The following NR4A1 variants were observed in gnomAD, a reference collection of about 807,000 sequenced individuals.
The protein encoded by NR4A1 is nuclear receptor subfamily 4immunitygroup A member 1.
NR4A1 carries 24 observed loss-of-function variants against 47.5 expected under a neutral mutation model. The observed-to-expected ratio is 0.50, with a 90% CI of 0.37 to 0.71. The LOEUF is 0.71. NR4A1 is among the 30% of genes least tolerant of loss of function. NR4A1 has a pLI of 0.00. For synonymous variants in NR4A1, 353 were observed against 345.7 expected (o/e 1.02, Z -0.24); for missense variants, 669 against 788.6 (o/e 0.85, Z 1.82).
Position 52,054,615 on chromosome 12 carries a change from C to G in NR4A1, c.287C>G (p.Pro96Arg), listed in dbSNP as rs547543856. The part of the protein sequence containing the change: ...SSTSSSSATS[P>R]ASASFKFEDF... ...ACATCCTCGTCCTCAGCCACCTCCC[C>G]TGCCTCTGCCTCCTTCAAGTTCGAG... Residue 96 changes from proline (P) to arginine (R), a missense_variant, in exon 2 of 7, where the codon CCT becomes CGT. Physicochemically the swap from Pro to Arg is moderately radical, Grantham distance 103. Coordinates refer to ENST00000394825, the MANE Select transcript of NR4A1 (RefSeq NM_173157.3). 2.5e-6 allele frequency: 4 copies of G among 1,614,196 alleles called. No individual in the cohort carries two copies. Among genetic ancestry groups the G allele is most frequent in the Admixed American group, 3.3e-5 (2 of 60,034 alleles).
At chr12:52,024,736 A>G (rs529993311) in intron 1 of NR4A1, among the ~76,000 whole-genome samples, 71 of 152,330 alleles carry the variant, frequency 4.7e-4, no homozygotes, top group African/African-American at 1.7e-3. Flanking sequence ...AAAAGAAAAC[A>G]AAAAACCAAA....
In NR4A1 at chr12:52,058,684, G is replaced by A. The variant is rs763064696; in HGVS notation, c.1541-4G>A. On this transcript the variant is annotated splice_polypyrimidine_tract_variant and splice_region_variant and intron_variant, in intron 6 of 6. Coordinates refer to ENST00000394825, the MANE Select transcript of NR4A1 (RefSeq NM_173157.3). ...GTACAGCTAATCCTGTACCCTTCCC[G>A]CAGACCGGCATGGGCTGCAGGAGCC... 1.3e-5 allele frequency: 21 copies of A among 1,595,218 alleles called. No homozygotes were observed. The highest frequency in any genetic ancestry group is 1.0e-4 in the Admixed American group (6 of 58,468).
chr12:52,047,427 C>G (rs1003608273), upstream of NR4A1, among the ~76,000 whole-genome samples: 2 of 152,256 alleles, frequency 1.3e-5, no homozygotes, highest in African/African-American at 4.8e-5. Context: ...TTATCTTAGG[C>G]TAGGTGCTCC....
intron 1 of NR4A1, among the ~76,000 whole-genome samples, chr12:52,039,884 A>G (rs1180616123): frequency 6.6e-6 from 1 of 152,200 alleles, no homozygotes. Flanking sequence ...GGCAGAGGGA[A>G]TGGCAGATGC....
At chr12:52,057,032 T>C (rs1939309370) in intron 4 of NR4A1, 25 bp from the exon 5 acceptor site, 5 of 1,562,812 alleles carry the variant, frequency 3.2e-6, no homozygotes, top group Non-Finnish European at 4.3e-6. Flanking sequence ...CCTGGGGTGC[T>C]GACCCCACTG....
upstream of NR4A1, among the ~76,000 whole-genome samples, chr12:52,048,172 AAAC>A (rs892491182): frequency 2.0e-5 from 3 of 151,030 alleles, no homozygotes; most frequent in African/African-American, 7.3e-5. Context: ...CAAAAACAAA[AAAC>A]AAAAAAAGAG....
chr12:52,041,867 G>C, exon 2 of NR4A1: 1 of 1,529,588 alleles, frequency 6.5e-7, no homozygotes, highest in Non-Finnish European at 8.8e-7. Flanking sequence ...GGCTCCTTCT[G>C]CTGGGCCCTG....
intron 2 of NR4A1, among the ~76,000 whole-genome samples, chr12:52,042,666 A>G (rs1445636271): frequency 1.3e-5 from 2 of 152,162 alleles, no homozygotes; most frequent in African/African-American, 4.8e-5. Context: ...ACTGTGGAAG[A>G]CATACCTTCC....
intron 1 of NR4A1, among the ~76,000 whole-genome samples, chr12:52,032,973 A>T (rs1382114848): frequency 1.3e-5 from 2 of 152,202 alleles, no homozygotes; most frequent in East Asian, 1.9e-4. Flanking sequence ...CGCCTGCAGC[A>T]GACCCGAAGG....
In NR4A1 at chr12:52,045,309, T is replaced by C. The variant is rs551983435; in HGVS notation, c.37+3380T>C. On this transcript the variant is annotated intron_variant, in intron 2 of 7. Coordinates refer to the NR4A1 transcript ENST00000360284. ...CCAGCCCCAGGATTCTGCTGCAGGC[T>C]GCTGTGGTTGTCCCGTTGCAGACAT... Among the ~76,000 whole-genome samples, 10 of 152,334 alleles carry C rather than the reference T, an allele frequency of 6.6e-5. No individual in the cohort carries two copies. In the South Asian group the frequency reaches 2.1e-3, roughly 32 times the overall value.
chr12:52,040,023 A>G (rs948232133), intron 1 of NR4A1, among the ~76,000 whole-genome samples: 8 of 152,138 alleles, frequency 5.3e-5, no homozygotes, highest in Non-Finnish European at 1.0e-4. Context: ...TTTGGGGGCC[A>G]CTTTCTCCTC....
At chr12:52,046,706 G>A (rs547041958), upstream of NR4A1, among the ~76,000 whole-genome samples, 90 of 152,278 alleles carry the variant, frequency 5.9e-4, 3 homozygotes, top group South Asian at 0.018. Flanking sequence ...AATTTGGGCC[G>A]GGCACGGTGA....
rs1939164840 is a variant in NR4A1 at position 52,054,786 on chromosome 12, C to T, written c.458C>T (p.Pro153Leu). The T allele has an allele frequency of 1.9e-6, 3 of 1,613,088 alleles. No individual in the cohort carries two copies. Among genetic ancestry groups the T allele is most frequent in the Non-Finnish European group, 2.5e-6 (3 of 1,179,976 alleles). ...AGCTTCCAGCCGCCCCAGCTCTCTC[C>T]CTGGGATGGCTCCTTCGGCCACTTC... is the stretch of plus-strand genomic sequence containing the variant. Reference protein sequence around the residue: ...TPSFQPPQLSPWDGSFGHFSP... With the variant: ...TPSFQPPQLSLWDGSFGHFSP... Residue 153 changes from proline (P) to leucine (L), a missense_variant, in exon 2 of 7, where the codon CCC (proline) becomes CTC (leucine). Physicochemically the swap from Pro to Leu is moderately conservative, Grantham distance 98. Transcript: ENST00000394825.
intron 2 of NR4A1, among the ~76,000 whole-genome samples, chr12:52,044,507 G>C (rs1175065636): frequency 2.6e-5 from 4 of 152,220 alleles, no homozygotes; most frequent in Non-Finnish European, 5.9e-5. Flanking sequence ...ACAGGCAGCA[G>C]CTCCTTACGT....
intron 2 of NR4A1, 24 bp from the exon 3 acceptor site, chr12:52,056,006 G>C: frequency 8.4e-6 from 9 of 1,069,140 alleles, no homozygotes; most frequent in Non-Finnish European, 1.1e-5. Context: ...CTGACAGCTT[G>C]TTCCGTGTTG....
chr12:52,040,567 C>T (rs552259356), intron 1 of NR4A1, among the ~76,000 whole-genome samples: 1 of 152,278 alleles, frequency 6.6e-6, no homozygotes, highest in East Asian at 1.9e-4. Context: ...GTTAAAGGTG[C>T]TCCAGATGTT....
Position 52,037,360 on chromosome 12 carries a change from C to T in NR4A1, c.-83-4450C>T, listed in dbSNP as rs988174362. The T allele has an allele frequency of 5.1e-6, 5 of 985,508 alleles. No homozygotes were observed. In the African/African-American group the frequency reaches 8.8e-5, roughly 17 times the overall value. The allele number at this position is 985,508 out of a possible 1,614,324, so 61.0% of individuals were successfully genotyped here. On this transcript the variant is annotated intron_variant, in intron 1 of 7. Transcript: ENST00000360284. ...CCCCGGCCTCCAGGCATGGGCGCCC[C>T]TGCGGTGCAGAGCAGCTCAGGGCCG...
chr12:52,056,410 G>A lies in NR4A1; in HGVS notation c.1007-84G>A, dbSNP rs1158006829. 206 of 1,542,370 alleles carry A rather than the reference G, an allele frequency of 1.3e-4. 1 individual carries two copies. Among genetic ancestry groups the A allele is most frequent in the Non-Finnish European group, 1.6e-4 (188 of 1,146,682 alleles). ...GGGTCCTAGGGACTCGGTGGGGCGC[G>A]TCTCAGCAGTGGTGTGCACGGCTTG... On this transcript the variant is annotated intron_variant, in intron 3 of 6. Coordinates refer to ENST00000394825, the MANE Select transcript of NR4A1 (RefSeq NM_173157.3).
At chr12:52,029,901 AG>A (rs1236562981) in intron 1 of NR4A1, among the ~76,000 whole-genome samples, 1 of 152,226 alleles carries the variant, frequency 6.6e-6, no homozygotes, top group Non-Finnish European at 1.5e-5. Context: ...ACTTAGCAAC[AG>A]GCACAGCACA....
Sources: gnomAD v4.1 joint callset for allele counts (sites outside exome capture counted in the v4.1 genomes callset) on GRCh38, gnomAD v4.1.1 for gene constraint, MANE v1.5 for transcripts, NCBI Gene and HGNC (gene_info 2026-07-23, HGNC 2026-07-21) for gene names.